ETV1: variants seen among roughly 807,000 people sequenced by gnomAD.
ETV1 encodes the protein ETS variant transcription factor 1.
Under a neutral mutation model 62.3 loss-of-function variants are expected in ETV1, and 27 were observed. That is an observed-to-expected ratio of 0.43 (90% CI 0.32 to 0.60). The LOEUF is 0.60. Among genes scored for constraint, ETV1 ranks in the 20% least tolerant of loss-of-function variants. The pLI is 0.06. For synonymous variants in ETV1, 222 were observed against 199.6 expected (o/e 1.11, Z -0.94); for missense variants, 605 against 605.8 (o/e 1.00, Z 0.01).
intron 6 of ETV1, among the ~76,000 whole-genome samples, chr7:13,966,066 T>C (rs1790742690): frequency 6.6e-6 from 1 of 152,204 alleles, no homozygotes; most frequent in African/African-American, 2.4e-5. Flanking sequence ...TAAAATTTGT[T>C]AATTCTGACT....
chr7:13,989,820 T>A (rs1667112600), upstream of ETV1: 4 of 382,532 alleles, frequency 1.0e-5, no homozygotes, highest in Admixed American at 9.0e-5. Flanking sequence ...TTCCCGCGGG[T>A]CTCCCTCGCC....
At chr7:13,919,813 C>T (rs1784622821) in intron 9 of ETV1, among the ~76,000 whole-genome samples, 1 of 151,856 alleles carries the variant, frequency 6.6e-6, no homozygotes, top group Non-Finnish European at 1.5e-5. Context: ...GTTATGTAAA[C>T]ACTTTAAAAA....
chr7:13,940,204 A>G (rs1265838669), intron 6 of ETV1, among the ~76,000 whole-genome samples: 1 of 152,074 alleles, frequency 6.6e-6, no homozygotes, highest in Admixed American at 6.5e-5. Flanking sequence ...CTCAACAAAA[A>G]TACAAAAATT....
chr7:13,909,206 A>G (rs904018974), intron 11 of ETV1, among the ~76,000 whole-genome samples: 5 of 151,730 alleles, frequency 3.3e-5, no homozygotes, highest in African/African-American at 1.2e-4. Flanking sequence ...TGTGTTCCAT[A>G]ATGCATCTTT....
chr7:13,930,794 A>ATT (rs1786023390), intron 9 of ETV1, among the ~76,000 whole-genome samples: 1 of 124,620 alleles, frequency 8.0e-6, no homozygotes, highest in African/African-American at 2.6e-5. Context: ...CCACCAATAT[A>ATT]TATTTTTTTT....
chr7:13,975,590 GA>G (rs368323645), intron 6 of ETV1, among the ~76,000 whole-genome samples: 9 of 125,492 alleles, frequency 7.2e-5, no homozygotes, highest in South Asian at 2.5e-4. Context: ...GAAAAGAAAA[GA>G]AAAAAAAAAA....
rs757935667 is a variant in ETV1 at position 13,940,265 on chromosome 7, G to A, written c.236-1019C>T. On this transcript the variant is annotated intron_variant, in intron 6 of 13. Transcript: ENST00000430479. Reference sequence around the variant, plus strand: ...TAATCCCAGCTACTTGGGAGGCTGAGGCGGGAGAATTGCTTGAACCCAGAA... The same window carrying A: ...TAATCCCAGCTACTTGGGAGGCTGAAGCGGGAGAATTGCTTGAACCCAGAA... 9.9e-5 allele frequency among the ~76,000 whole-genome samples: 15 copies of A among 151,852 alleles called. 1 individual carries two copies. The highest frequency in any genetic ancestry group is 3.2e-3 in the Middle Eastern group (1 of 314).
chr7:13,965,119 G>A (rs1486546362), intron 6 of ETV1, among the ~76,000 whole-genome samples: 2 of 152,092 alleles, frequency 1.3e-5, no homozygotes, highest in South Asian at 2.1e-4. Flanking sequence ...AATACACCAT[G>A]TCTGAAACAT....
In ETV1 at chr7:13,895,860, C is replaced by T; in HGVS notation, c.*6G>A. On this transcript the variant is annotated 3_prime_UTR_variant, in exon 14 of 14. Coordinates refer to ENST00000430479, the MANE Select transcript of ETV1 (RefSeq NM_004956.5). ...GCAAAAACGCCCTGCTTGACTGTCA[C>T]TTGTGTTAATACACGTAGCCTTCGT... The T allele has an allele frequency of 6.2e-7, 1 of 1,609,466 alleles. No homozygotes were observed. Among genetic ancestry groups the T allele is most frequent in the Non-Finnish European group, 8.5e-7 (1 of 1,176,848 alleles).
At chr7:13,989,852 G>C (rs1782889922), upstream of ETV1, 1 of 363,532 alleles carries the variant, frequency 2.8e-6, no homozygotes, top group Non-Finnish European at 4.9e-6. Context: ...GGGGGTGCTC[G>C]GCCGGTAGGC....
At chr7:13,956,149 T>C (rs1352281546) in intron 6 of ETV1, among the ~76,000 whole-genome samples, 2 of 152,178 alleles carry the variant, frequency 1.3e-5, no homozygotes, top group Non-Finnish European at 2.9e-5. Context: ...GCCGAAAATA[T>C]AAAATCAAGT....
intron 6 of ETV1, among the ~76,000 whole-genome samples, chr7:13,973,673 C>G (rs970257113): frequency 6.6e-6 from 1 of 151,856 alleles, no homozygotes; most frequent in African/African-American, 2.4e-5. Flanking sequence ...CGATTTCAGA[C>G]TTATTTTTGC....
chr7:13,971,913 C>G (rs997351463), intron 6 of ETV1, among the ~76,000 whole-genome samples: 1 of 152,044 alleles, frequency 6.6e-6, no homozygotes, highest in Non-Finnish European at 1.5e-5. Flanking sequence ...GAGTTTGAGA[C>G]TAGCCTGGAC....
chr7:13,986,298 G>T, intron 5 of ETV1: 1 of 1,503,452 alleles, frequency 6.7e-7, no homozygotes, highest in Non-Finnish European at 8.8e-7. Context: ...CTGGCTCTAG[G>T]AGGTCTCTGG....
chr7:13,899,304 G>A (rs1489357812), intron 13 of ETV1, among the ~76,000 whole-genome samples: 1 of 152,216 alleles, frequency 6.6e-6, no homozygotes, highest in African/African-American at 2.4e-5. Context: ...GAAAAAGACA[G>A]GAGGAGCAGG....
rs145856236 is a variant in ETV1, at chr7:13,930,515, G to T, written c.802+987C>A. Among the ~76,000 whole-genome samples the T allele has an allele frequency of 2.6e-3, 389 of 151,880 alleles. 15 individuals are homozygous for T. The East Asian group carries it at 0.067, about 26-fold the overall frequency. ...TTTTTGTGTTTTTAGTACAGACAGGGTTTCACCGTGTTAGCCAGGATGGTC... is the reference window on the plus strand; with the variant it reads ...TTTTTGTGTTTTTAGTACAGACAGGTTTTCACCGTGTTAGCCAGGATGGTC... On this transcript the variant is annotated intron_variant, in intron 9 of 13. Transcript: ENST00000430479.
At chr7:13,906,293 G>T in intron 12 of ETV1, 137 bp downstream of exon 12, 2 of 561,476 alleles carry the variant, frequency 3.6e-6, no homozygotes, top group Non-Finnish European at 5.9e-6. Context: ...TTTTATCTTT[G>T]CATGCTTTTT....
At position 13,930,639 on chromosome 7, in the gene ETV1, C is replaced by T. The variant is rs189944803; in HGVS notation, c.802+863G>A. On this transcript the variant is annotated intron_variant, in intron 9 of 13. Coordinates refer to ENST00000430479, the MANE Select transcript of ETV1 (RefSeq NM_004956.5). ...CTGGAAAAGATTTTAAACCCTCCCTCCTTTCAGGAAACCCCACTCCCCCAC... is the reference window on the plus strand; with the variant it reads ...CTGGAAAAGATTTTAAACCCTCCCTTCTTTCAGGAAACCCCACTCCCCCAC... 4.9e-3 allele frequency among the ~76,000 whole-genome samples: 748 copies of T among 151,700 alleles called. 1 individual carries two copies. Among genetic ancestry groups the T allele is most frequent in the Non-Finnish European group, 7.5e-3 (509 of 67,862 alleles).
chr7:13,897,093 G>C (rs1274245892), intron 13 of ETV1, among the ~76,000 whole-genome samples: 1 of 151,686 alleles, frequency 6.6e-6, no homozygotes, highest in Non-Finnish European at 1.5e-5. Context: ...AAACAACTGA[G>C]TGAGATGAAT....
Sources: gnomAD v4.1 joint callset for allele counts (sites outside exome capture counted in the v4.1 genomes callset) on GRCh38, gnomAD v4.1.1 for gene constraint, MANE v1.5 for transcripts, NCBI Gene and HGNC (gene_info 2026-07-23, HGNC 2026-07-21) for gene names.